SCP2: variants seen among roughly 807,000 people sequenced by gnomAD.
SCP2 encodes SCP-2/3-oxoacyl-CoA thiolase.
In SCP2, 48 loss-of-function variants were observed where a neutral mutation model predicts 71.4. The observed-to-expected ratio is 0.67, with a 90% CI of 0.53 to 0.86. The LOEUF is 0.86. SCP2 is among the 40% of genes least tolerant of loss of function. The probability of loss-of-function intolerance (pLI) is 0.00; values close to 1 mark genes in which losing one functional copy is unlikely to be tolerated. For synonymous variants in SCP2, 220 were observed against 218.1 expected, an observed-to-expected ratio of 1.01 and a Z score of -0.08; for missense variants, 560 against 655.6, an observed-to-expected ratio of 0.85 and a Z score of 1.59.
At chr1:53,020,538 G>T (rs577264278) in intron 12 of SCP2, among the ~76,000 whole-genome samples, 1 of 152,074 alleles carries the variant, frequency 6.6e-6, no homozygotes, top group East Asian at 1.9e-4. Context: ...GAGTCAAGCA[G>T]TCTGCCCACC....
chr1:53,005,807 G>A (rs926652217), intron 11 of SCP2, among the ~76,000 whole-genome samples: 2 of 152,252 alleles, frequency 1.3e-5, no homozygotes, highest in African/African-American at 4.8e-5. Flanking sequence ...GGCTTCAGAT[G>A]ATCGGTAATA....
intron 13 of SCP2, among the ~76,000 whole-genome samples, chr1:53,028,398 G>A (rs1008833758): frequency 4.1e-4 from 63 of 152,180 alleles, no homozygotes; most frequent in African/African-American, 1.4e-3. Flanking sequence ...TTATTTTGCT[G>A]TAATTTCCTT....
In SCP2 at chr1:52,941,824, G is replaced by A; in HGVS notation, c.98G>A (p.Arg33Lys). ...GTGAAGCCTGGAGCTGAGAATTCAAGAGACTACCCTGACTTGGCAGAAGAA... is the reference window on the plus strand; with the variant it reads ...GTGAAGCCTGGAGCTGAGAATTCAAAAGACTACCCTGACTTGGCAGAAGAA... ...KFVKPGAENSRDYPDLAEEAG... is the reference protein window; with the variant it reads ...KFVKPGAENSKDYPDLAEEAG... The change falls in exon 2 of 16, where the codon AGA (arginine) becomes AAA (lysine). Residue 33 changes from arginine to lysine, a missense_variant. Arg to Lys is a conservative substitution (Grantham distance 26, BLOSUM62 2). This residue lies in a region of SCP2 where 513 missense variants were observed against 573.1 expected (regional missense o/e 0.90). Transcript: ENST00000371514. 1.9e-6 allele frequency: 3 copies of A among 1,607,744 alleles called. No homozygotes were observed. Among genetic ancestry groups the A allele is most frequent in the Non-Finnish European group, 2.6e-6 (3 of 1,174,278 alleles).
chr1:52,942,908 G>A (rs963119574), intron 2 of SCP2, among the ~76,000 whole-genome samples: 2 of 151,896 alleles, frequency 1.3e-5, no homozygotes, highest in Non-Finnish European at 2.9e-5. Context: ...CACCATGTTA[G>A]CTAGGCTGGC....
chr1:53,020,162 C>T (rs1307349853), intron 12 of SCP2, among the ~76,000 whole-genome samples: 1 of 152,142 alleles, frequency 6.6e-6, no homozygotes, highest in East Asian at 1.9e-4. Context: ...GCTGGGATTA[C>T]AGACATGAGC....
intron 11 of SCP2, among the ~76,000 whole-genome samples, chr1:53,004,203 C>A (rs540397557): frequency 3.4e-4 from 52 of 152,286 alleles, no homozygotes; most frequent in Middle Eastern, 3.4e-3. Context: ...CTACTCAGAA[C>A]AGCATGCAAC....
At position 52,980,520 on chromosome 1, in the gene SCP2, A is replaced by C; in HGVS notation, c.950A>C (p.Glu317Ala). 2 of 1,614,008 alleles carry C rather than the reference A, an allele frequency of 1.2e-6. No homozygotes were observed. Among genetic ancestry groups the C allele is most frequent in the Non-Finnish European group, 1.7e-6 (2 of 1,179,872 alleles). Residue 317 changes from glutamate (E) to alanine (A), a missense_variant, in exon 10 of 16, where the codon GAA becomes GCA. This residue lies in a region of SCP2 where 513 missense variants were observed against 573.1 expected (regional missense o/e 0.90). Coordinates refer to ENST00000371514, the MANE Select transcript of SCP2 (RefSeq NM_002979.5). ...CFSTNELLTY[E>A]ALGLCPEGQG... ...TCTACCAACGAACTCCTTACTTATG[A>C]AGCACTGGGACTCTGTCCAGAAGGT...
intron 11 of SCP2, among the ~76,000 whole-genome samples, chr1:53,014,285 G>A (rs1376402889): frequency 2.0e-5 from 3 of 152,156 alleles, no homozygotes; most frequent in Non-Finnish European, 2.9e-5. Context: ...TGGAGTCATG[G>A]GTTCTAACCT....
At chr1:52,960,573 T>C (rs1348075114) in intron 5 of SCP2, among the ~76,000 whole-genome samples, 2 of 148,300 alleles carry the variant, frequency 1.3e-5, no homozygotes, top group South Asian at 2.1e-4. Context: ...TATGTATATA[T>C]ATGTATATAT....
chr1:52,966,123 C>T (rs1656928335), intron 6 of SCP2, among the ~76,000 whole-genome samples: 1 of 152,082 alleles, frequency 6.6e-6, no homozygotes, highest in African/African-American at 2.4e-5. Context: ...TTTGAACTGA[C>T]TTATCTAATT....
chr1:52,951,446 A>AAT (rs1419508059), intron 4 of SCP2, among the ~76,000 whole-genome samples: 140 of 151,058 alleles, frequency 9.3e-4, no homozygotes, highest in Middle Eastern at 3.4e-3. Flanking sequence ...ATACAAAATT[A>AAT]AAAAAAATTA....
intron 13 of SCP2, among the ~76,000 whole-genome samples, chr1:53,034,380 T>G (rs1662773061): frequency 6.6e-6 from 1 of 152,130 alleles, no homozygotes; most frequent in Admixed American, 6.5e-5. Flanking sequence ...TGATTTCATT[T>G]ATATGAAATG....
chr1:52,962,964 A>G (rs1656610629), intron 6 of SCP2, among the ~76,000 whole-genome samples: 1 of 151,956 alleles, frequency 6.6e-6, no homozygotes, highest in South Asian at 2.1e-4. Flanking sequence ...AAGTTCAACA[A>G]AAGCATGGAT....
chr1:53,034,202 G>A (rs1418847551), intron 13 of SCP2, among the ~76,000 whole-genome samples: 4 of 151,874 alleles, frequency 2.6e-5, no homozygotes, highest in Admixed American at 6.6e-5. Flanking sequence ...ACTTGAACCC[G>A]GGAGGAGGAG....
intron 14 of SCP2, among the ~76,000 whole-genome samples, chr1:53,045,158 C>G (rs912792796): frequency 6.6e-6 from 1 of 152,142 alleles, no homozygotes; most frequent in Non-Finnish European, 1.5e-5. Context: ...GAGTACACCT[C>G]CAAGGTCAAG....
intron 11 of SCP2, among the ~76,000 whole-genome samples, chr1:53,014,069 T>TTG (rs1432546813): frequency 6.7e-6 from 1 of 149,456 alleles, no homozygotes; most frequent in African/African-American, 2.5e-5. Flanking sequence ...CTAATTTTTT[T>TTG]TTTTTTTTTG....
rs1271139602 is a variant in SCP2, at chr1:52,993,214, G to A, written c.1081+5078G>A. ...AGGGATTCTAGAAAATGACACAATG[G>A]CAGCCTTTCTTGTCTTTTTCTTTCC... On this transcript the variant is annotated intron_variant, in intron 11 of 15. Transcript: ENST00000371514. 1.9e-6 allele frequency: 3 copies of A among 1,614,008 alleles called. No homozygotes were observed. In the Admixed American group the frequency reaches 5.0e-5, roughly 27 times the overall value.
chr1:52,971,909 A>G (rs995562772), intron 6 of SCP2, among the ~76,000 whole-genome samples: 1 of 152,202 alleles, frequency 6.6e-6, no homozygotes, highest in Non-Finnish European at 1.5e-5. Context: ...CTTTGGGGAA[A>G]AGGAGTTCTG....
At chr1:52,970,152 G>A (rs1657332259) in intron 6 of SCP2, among the ~76,000 whole-genome samples, 1 of 151,968 alleles carries the variant, frequency 6.6e-6, no homozygotes, top group African/African-American at 2.4e-5. Context: ...TAAATTTCCA[G>A]GTGGACTTTT....
Sources: allele counts gnomAD v4.1 joint callset (sites outside exome capture counted in the v4.1 genomes callset), GRCh38; gene constraint gnomAD v4.1.1; regional missense constraint gnomAD v4.1.1; transcripts MANE v1.5; gene names NCBI Gene and HGNC (gene_info 2026-07-23, HGNC 2026-07-21).